Variants in UGP2 observed in about 807,000 individuals in gnomAD.
UGP2 encodes UDP-glucose pyrophosphorylase 2.
In UGP2, 40 loss-of-function variants were observed where a neutral mutation model predicts 49.0. The observed-to-expected ratio is 0.82, with a 90% CI of 0.63 to 1.06. UGP2 has a LOEUF of 1.06. UGP2 is among the 50% of genes least tolerant of loss of function. The pLI, the probability that UGP2 is intolerant of heterozygous loss-of-function variation, is 0.00. For missense variants in UGP2, 460 were observed against 603.5 expected, an observed-to-expected ratio of 0.76 and a Z score of 2.49; for synonymous variants, 225 against 213.0, an observed-to-expected ratio of 1.06 and a Z score of -0.49.
chr2:63,887,221 C>T (rs925227435), intron 7 of UGP2, among the ~76,000 whole-genome samples, 181 bp from the exon 8 acceptor site: 3 of 151,302 alleles, frequency 2.0e-5, no homozygotes, highest in African/African-American at 4.9e-5. Context: ...GCCGAGATTG[C>T]GCCACTGCAC....
intron 3 of UGP2, among the ~76,000 whole-genome samples, chr2:63,876,096 T>G (rs1368231433): frequency 6.6e-6 from 1 of 152,074 alleles, no homozygotes. Context: ...GTGTCCAGTG[T>G]GACTTTAGCT....
chr2:63,842,706 A>G, intron 1 of UGP2: 1 of 1,055,104 alleles, frequency 9.5e-7, no homozygotes, highest in Non-Finnish European at 1.3e-6. Context: ...AACTGGGAGT[A>G]GCCCGAAGAA....
chr2:63,862,981 C>A, intron 3 of UGP2: 1 of 400,700 alleles, frequency 2.5e-6, no homozygotes, highest in South Asian at 1.9e-5. Context: ...CTCCCTGAGT[C>A]ATCTACCTTT....
intron 6 of UGP2, among the ~76,000 whole-genome samples, 170 bp downstream of exon 6, chr2:63,886,056 C>T (rs1438729521): frequency 6.6e-6 from 1 of 152,090 alleles, no homozygotes; most frequent in Non-Finnish European, 1.5e-5. Flanking sequence ...TCAAAATCAT[C>T]TCTATTTTTT....
chr2:63,884,205 A>C (rs757135049), intron 5 of UGP2, 112 bp downstream of exon 5: 10 of 1,312,378 alleles, frequency 7.6e-6, no homozygotes, highest in Non-Finnish European at 1.0e-5. Context: ...ATTGATGTTC[A>C]CAAGTGTTTG....
chr2:63,877,599 C>T (rs1368353635), intron 3 of UGP2, among the ~76,000 whole-genome samples: 1 of 152,174 alleles, frequency 6.6e-6, no homozygotes, highest in African/African-American at 2.4e-5. Context: ...GCTCTCATGA[C>T]AAGTGTGTCT....
chr2:63,888,514 C>T (rs1272815479), intron 8 of UGP2: 1 of 152,216 alleles, frequency 6.6e-6, no homozygotes, highest in East Asian at 1.9e-4. Flanking sequence ...ATTCTTGACT[C>T]ACTTATTCCA....
chr2:63,885,784 C>CAGAATAT lies in UGP2; in HGVS notation c.772_773insGAATATA (p.Thr258ArgfsTer10). On this transcript the variant is annotated frameshift_variant, in exon 6 of 10. Transcript: ENST00000337130. LOFTEE classifies it high-confidence loss of function. The stretch of plus-strand genomic sequence containing the variant: ...TGTCTAACATAGATAATCTGGGTGC[C>CAGAATAT]ACAGTGGATCTGTATATTCTTAATC... 6.2e-7 allele frequency: 1 copy of CAGAATAT among 1,613,618 alleles called. No individual in the cohort carries two copies. Among genetic ancestry groups the CAGAATAT allele is most frequent in the Non-Finnish European group, 8.5e-7 (1 of 1,179,832 alleles).
intron 5 of UGP2, among the ~76,000 whole-genome samples, chr2:63,884,993 CTTTTTTTTTTTTTTTTT>C (rs528966512): frequency 4.3e-5 from 1 of 23,152 alleles, no homozygotes; most frequent in Non-Finnish European, 7.6e-5. Context: ...CCCATGGTTA[CTTTTTTTTTTTTTTTTT>C]TTTTTTTTTT....
chr2:63,859,599 A>G (rs1054103121), intron 3 of UGP2, among the ~76,000 whole-genome samples: 1 of 152,168 alleles, frequency 6.6e-6, no homozygotes, highest in African/African-American at 2.4e-5. Flanking sequence ...GAAAGTTCTG[A>G]TAAATTCTTT....
intron 3 of UGP2, among the ~76,000 whole-genome samples, chr2:63,881,655 TGTAA>T (rs1303784555): frequency 6.6e-6 from 1 of 152,252 alleles, no homozygotes; most frequent in Non-Finnish European, 1.5e-5. Context: ...GGGCCTCTGC[TGTAA>T]GTTGTGTCAC....
At chr2:63,873,565 A>G (rs182205355) in intron 3 of UGP2, among the ~76,000 whole-genome samples, 86 of 152,242 alleles carry the variant, frequency 5.6e-4, no homozygotes, top group African/African-American at 2.1e-3. Context: ...AAGCCTGTAA[A>G]TCGCCGGTCT....
At chr2:63,884,252 T>A in intron 5 of UGP2, 159 bp downstream of exon 5, 2 of 854,788 alleles carry the variant, frequency 2.3e-6, no homozygotes, top group Non-Finnish European at 3.5e-6. Flanking sequence ...GATATGTGAT[T>A]GTTATAATCA....
At chr2:63,873,287 G>T (rs569261313) in intron 3 of UGP2, among the ~76,000 whole-genome samples, 1 of 152,180 alleles carries the variant, frequency 6.6e-6, no homozygotes, top group Non-Finnish European at 1.5e-5. Flanking sequence ...CCACATCACA[G>T]CATCAGCTTC....
chr2:63,890,024 CCT>C (rs1037257125), intron 8 of UGP2, 55 bp from the exon 9 acceptor site: 2 of 1,308,856 alleles, frequency 1.5e-6, no homozygotes, highest in Non-Finnish European at 2.2e-6. Context: ...TAATATTTTT[CCT>C]GTCTTTCTTT....
chr2:63,855,325 A>G, intron 1 of UGP2: 1 of 394,774 alleles, frequency 2.5e-6, no homozygotes, highest in South Asian at 1.8e-5. Flanking sequence ...CTATTTGAAT[A>G]GAAACTTTAC....
At chr2:63,870,567 G>A (rs1670481913) in intron 3 of UGP2, among the ~76,000 whole-genome samples, 1 of 152,118 alleles carries the variant, frequency 6.6e-6, no homozygotes, top group African/African-American at 2.4e-5. Context: ...GTTGTAATCT[G>A]GTTTCTAATC....
At chr2:63,884,943 TTG>T (rs1410013786) in intron 5 of UGP2, among the ~76,000 whole-genome samples, 3 of 150,480 alleles carry the variant, frequency 2.0e-5, no homozygotes, top group African/African-American at 7.3e-5. Flanking sequence ...ATTTCTAAAG[TTG>T]TGTCATTAGT....
intron 1 of UGP2, among the ~76,000 whole-genome samples, chr2:63,850,756 CT>C (rs1403274194): frequency 6.6e-6 from 1 of 152,170 alleles, no homozygotes; most frequent in Non-Finnish European, 1.5e-5. Context: ...ACAGTCTATA[CT>C]TATCTTAACT....
Sources: allele counts gnomAD v4.1 joint callset (sites outside exome capture counted in the v4.1 genomes callset), GRCh38; gene constraint gnomAD v4.1.1; transcripts MANE v1.5; gene names NCBI Gene and HGNC (gene_info 2026-07-23, HGNC 2026-07-21).